The following EPS15L1 variants were observed in gnomAD, a reference collection of about 807,000 sequenced individuals.
The protein encoded by EPS15L1 is epidermal growth factor receptor substrate 15-like 1.
In EPS15L1, 43 loss-of-function variants were observed where a neutral mutation model predicts 117.1. The ratio of observed to expected loss-of-function variants is 0.37; its 90% CI spans 0.29 to 0.47. The LOEUF (loss-of-function observed/expected upper bound fraction) is 0.47, where lower values mean the gene tolerates loss of function less well. Among genes scored for constraint, EPS15L1 ranks in the 20% least tolerant of loss-of-function variants. EPS15L1 has a pLI of 0.99. For synonymous variants in EPS15L1, 459 were observed against 470.5 expected, an observed-to-expected ratio of 0.98 and a Z score of 0.32; for missense variants, 981 against 1,164.0, an observed-to-expected ratio of 0.84 and a Z score of 2.29.
At position 16,366,397 on chromosome 19, in the gene EPS15L1, G is replaced by T. The variant is rs543268535; in HGVS notation, c.2381-4413C>A. 2.2e-3 allele frequency among the ~76,000 whole-genome samples: 338 copies of T among 152,140 alleles called. 2 individuals carry two copies. The highest frequency in any genetic ancestry group is 4.0e-3 in the Non-Finnish European group (273 of 67,998). On this transcript the variant is annotated intron_variant, in intron 22 of 23. Transcript: ENST00000455140. Reference sequence around the variant, plus strand: ...AGATCTTCCTCCCTTGGTTTGGGGGGTTTAAAAAAAAGAAATTGGTTTTTG... The same window carrying T: ...AGATCTTCCTCCCTTGGTTTGGGGGTTTTAAAAAAAAGAAATTGGTTTTTG...
chr19:16,420,384 C>T (rs911121924), intron 10 of EPS15L1, among the ~76,000 whole-genome samples: 1 of 152,238 alleles, frequency 6.6e-6, no homozygotes. Flanking sequence ...GTGTTGGTTT[C>T]AGAGTCATAA....
chr19:16,399,684 T>G (rs2092577309), intron 16 of EPS15L1, among the ~76,000 whole-genome samples: 1 of 151,196 alleles, frequency 6.6e-6, no homozygotes, highest in Admixed American at 6.6e-5. Flanking sequence ...TTTTGGGGTT[T>G]TTTTTTTTTT....
At chr19:16,421,170 C>CT in intron 10 of EPS15L1, 149 bp downstream of exon 10, 1 of 866,622 alleles carries the variant, frequency 1.2e-6, no homozygotes, top group Admixed American at 2.9e-5. Context: ...TGCTCAGCCT[C>CT]TGTCAGGCCA....
At chr19:16,464,952 G>A (rs886483486) in intron 1 of EPS15L1, among the ~76,000 whole-genome samples, 8 of 152,014 alleles carry the variant, frequency 5.3e-5, no homozygotes, top group East Asian at 1.9e-4. Flanking sequence ...GGTGGCGGGT[G>A]CCTGTAGTCC....
chr19:16,412,991 G>T, intron 13 of EPS15L1: 1 of 684,604 alleles, frequency 1.5e-6, no homozygotes, highest in Non-Finnish European at 2.7e-6. Flanking sequence ...TTTGCCTGGG[G>T]GGCTCTCTCA....
At chr19:16,465,007 A>G (rs1355087368) in intron 1 of EPS15L1, among the ~76,000 whole-genome samples, 1 of 151,762 alleles carries the variant, frequency 6.6e-6, no homozygotes, top group Admixed American at 6.6e-5. Context: ...TGAACCCAGG[A>G]GGCGGAGCTT....
rs2092648672 is a variant in EPS15L1, at chr19:16,405,647, T to A, written c.1267-898A>T. ...GACGCTCCTTGGCCATGGAACGGGA[T>A]GGCGCCGTGTGCTTTGCCTTACAGT... On this transcript the variant is annotated intron_variant, in intron 13 of 23. Coordinates refer to ENST00000455140, the MANE Select transcript of EPS15L1 (RefSeq NM_001258374.3). The surrounding 1 kb of genome is among the most constrained non-coding windows in gnomAD (Gnocchi z 4.0). Among the ~76,000 whole-genome samples, 1 of 152,194 alleles carries A rather than the reference T, an allele frequency of 6.6e-6. No homozygotes were observed. Among genetic ancestry groups the A allele is most frequent in the Non-Finnish European group, 1.5e-5 (1 of 68,036 alleles).
chr19:16,462,184 G>C (rs1485994897), intron 1 of EPS15L1, among the ~76,000 whole-genome samples: 1 of 152,138 alleles, frequency 6.6e-6, no homozygotes, highest in African/African-American at 2.4e-5. Flanking sequence ...ACAAGCACAG[G>C]GACAATGGCA....
At chr19:16,442,558 G>C (rs2093042916) in intron 1 of EPS15L1, among the ~76,000 whole-genome samples, 1 of 152,160 alleles carries the variant, frequency 6.6e-6, no homozygotes, top group African/African-American at 2.4e-5. Context: ...AGAGGGAAAG[G>C]ACACTCTATC....
intron 22 of EPS15L1, among the ~76,000 whole-genome samples, chr19:16,372,517 C>T (rs2092239342): frequency 6.6e-6 from 1 of 152,196 alleles, no homozygotes; most frequent in Non-Finnish European, 1.5e-5. Context: ...AAGTTCAACT[C>T]CCTGCACGCT....
At chr19:16,467,914 A>G (rs899122899) in intron 1 of EPS15L1, among the ~76,000 whole-genome samples, 2 of 152,152 alleles carry the variant, frequency 1.3e-5, no homozygotes, top group African/African-American at 2.4e-5. Context: ...TGGTTTCCTC[A>G]CTTGTAAAAG....
At chr19:16,400,686 G>T (rs2092591757) in intron 16 of EPS15L1, 2 of 985,262 alleles carry the variant, frequency 2.0e-6, no homozygotes, top group African/African-American at 3.5e-5. Flanking sequence ...TCTTTCGGAT[G>T]CCAGTTGCAA....
chr19:16,459,136 TA>T (rs1200363614), intron 1 of EPS15L1, among the ~76,000 whole-genome samples: 3 of 152,244 alleles, frequency 2.0e-5, no homozygotes, highest in Non-Finnish European at 4.4e-5. Flanking sequence ...TACAGCAGTA[TA>T]ATCTTACGGG....
rs2092721225 is a variant in EPS15L1 at position 16,412,863 on chromosome 19, G to T, written c.1266+910C>A. ...ACGGAGCTTGCAGAGGCAAGGCCGA[G>T]GATAAGGAGTGGATGCCCATCACCA... On this transcript the variant is annotated intron_variant, in intron 13 of 23. Transcript: ENST00000455140. 3 of 578,512 alleles carry T rather than the reference G, an allele frequency of 5.2e-6. No homozygotes were observed. In the African/African-American group the frequency reaches 5.6e-5, roughly 11 times the overall value. 35.8% of individuals were successfully genotyped at this position (578,512 alleles called of 1,614,324 possible).
chr19:16,404,503 T>C lies in EPS15L1; in HGVS notation c.1428+85A>G. 2 of 1,468,538 alleles carry C rather than the reference T, an allele frequency of 1.4e-6. No individual in the cohort carries two copies. Among genetic ancestry groups the C allele is most frequent in the South Asian group, 1.2e-5 (1 of 84,462 alleles). 91.0% of individuals were successfully genotyped at this position (1,468,538 alleles called of 1,614,324 possible). A position where few individuals can be genotyped will look rare whatever the true frequency, so the allele number is the denominator to read the frequency against. On this transcript the variant is annotated intron_variant, in intron 14 of 23. Coordinates refer to ENST00000455140, the MANE Select transcript of EPS15L1 (RefSeq NM_001258374.3). This position sits in a 1 kb window ranked among gnomAD's most constrained non-coding sequence, Gnocchi z 4.2. ...CCCAGTAGGATGTCTAAGTGTTGTG[T>C]TCCCAGGTAACACGAGCTCAGGGGA...
intron 12 of EPS15L1, among the ~76,000 whole-genome samples, chr19:16,414,944 C>T (rs2092743978): frequency 2.6e-5 from 4 of 152,044 alleles, no homozygotes; most frequent in Admixed American, 2.6e-4. Context: ...TGGGCTCAAC[C>T]GATCCTCTTG....
intron 1 of EPS15L1, among the ~76,000 whole-genome samples, chr19:16,451,820 C>T (rs1449595667): frequency 6.7e-6 from 1 of 149,458 alleles, no homozygotes; most frequent in African/African-American, 2.4e-5. Flanking sequence ...TGAGCCACCG[C>T]GCCTGGCCTA....
chr19:16,397,536 C>T (rs2092553008), intron 16 of EPS15L1, among the ~76,000 whole-genome samples: 1 of 151,844 alleles, frequency 6.6e-6, no homozygotes, highest in East Asian at 1.9e-4. Flanking sequence ...TGTGACCTTC[C>T]TCAATCATCC....
intron 5 of EPS15L1, 66 bp downstream of exon 5, chr19:16,437,704 T>A: frequency 9.0e-7 from 1 of 1,108,038 alleles, no homozygotes; most frequent in Non-Finnish European, 1.4e-6. Context: ...CATACACACA[T>A]GCACATACAC....
Sources: gnomAD v4.1 joint callset for allele counts (sites outside exome capture counted in the v4.1 genomes callset) on GRCh38, gnomAD v4.1.1 for gene constraint, Gnocchi (gnomAD v3.1) non-coding constraint, MANE v1.5 for transcripts, NCBI Gene and HGNC (gene_info 2026-07-23, HGNC 2026-07-21) for gene names.